SLC6A17: variants seen among roughly 807,000 people sequenced by gnomAD.
SLC6A17 encodes the protein sodium-dependent neutral amino acid transporter SLC6A17.
In SLC6A17, 21 loss-of-function variants were observed where a neutral mutation model predicts 64.5. The ratio of observed to expected loss-of-function variants is 0.33; its 90% CI spans 0.23 to 0.47. The LOEUF is 0.47. SLC6A17 is among the 20% of genes least tolerant of loss of function. The pLI, the probability that SLC6A17 is intolerant of heterozygous loss-of-function variation, is 1.00. For synonymous variants in SLC6A17, 372 were observed against 399.5 expected, an observed-to-expected ratio of 0.93 and a Z score of 0.82; for missense variants, 682 against 963.2, an observed-to-expected ratio of 0.71 and a Z score of 3.86.
At chr1:110,188,325 C>T (rs761612463) in intron 6 of SLC6A17, among the ~76,000 whole-genome samples, 11 of 152,208 alleles carry the variant, frequency 7.2e-5, no homozygotes, top group African/African-American at 2.2e-4. Flanking sequence ...ACCAGACATC[C>T]GCCTATGCAA....
chr1:110,156,718 G>C (rs534516090), intron 1 of SLC6A17, among the ~76,000 whole-genome samples: 2 of 152,260 alleles, frequency 1.3e-5, no homozygotes, highest in South Asian at 4.2e-4. Context: ...ATGCTTTTCT[G>C]CCCAGCCCTC....
At chr1:110,166,608 C>T (rs1656061883) in intron 1 of SLC6A17, among the ~76,000 whole-genome samples, 2 of 152,124 alleles carry the variant, frequency 1.3e-5, no homozygotes, top group African/African-American at 4.8e-5. Flanking sequence ...CTATTTTGCC[C>T]CTTTAGGTTT....
chr1:110,189,688 C>T (rs1216551237), intron 6 of SLC6A17, among the ~76,000 whole-genome samples: 1 of 152,188 alleles, frequency 6.6e-6, no homozygotes, highest in Non-Finnish European at 1.5e-5. Context: ...ACCCCCACCT[C>T]GTCCTCACTG....
intron 6 of SLC6A17, among the ~76,000 whole-genome samples, chr1:110,179,213 C>T (rs1265773817): frequency 6.6e-6 from 1 of 152,196 alleles, no homozygotes; most frequent in East Asian, 1.9e-4. Context: ...TTCCAGTTTT[C>T]ACCATTGCTA....
At chr1:110,194,219 C>T (rs75447889) in intron 8 of SLC6A17, among the ~76,000 whole-genome samples, 3,289 of 152,232 alleles carry the variant, frequency 0.022, 49 homozygotes, top group Middle Eastern at 0.037. Context: ...GAGCTGGGAG[C>T]GGCCACAGTG....
chr1:110,155,351 G>A (rs777687781), intron 1 of SLC6A17, among the ~76,000 whole-genome samples: 4 of 152,020 alleles, frequency 2.6e-5, no homozygotes, highest in Non-Finnish European at 5.9e-5. Flanking sequence ...ATAGTTAGAC[G>A]TTCAATATGT....
Position 110,198,537 on chromosome 1 carries a change from G to A in SLC6A17, c.*93G>A. The stretch of plus-strand genomic sequence containing the variant: ...TTTCTTGAGGTGGCCACCAGGCCCA[G>A]GCCAGGCCCTTTGCCCAAGAAGAGA... On this transcript the variant is annotated 3_prime_UTR_variant, in exon 12 of 12. Coordinates refer to ENST00000331565, the MANE Select transcript of SLC6A17 (RefSeq NM_001010898.4). 6.6e-7 allele frequency: 1 copy of A among 1,512,752 alleles called. No homozygotes were observed. The highest frequency in any genetic ancestry group is 8.8e-7 in the Non-Finnish European group (1 of 1,137,248). The allele number at this position is 1,512,752 out of a possible 1,614,324, so 93.7% of individuals were successfully genotyped here.
At chr1:110,169,847 T>TA (rs1656170255) in intron 2 of SLC6A17, among the ~76,000 whole-genome samples, 1 of 152,216 alleles carries the variant, frequency 6.6e-6, no homozygotes, top group East Asian at 1.9e-4. Flanking sequence ...CAAAGGTTGA[T>TA]ATGAAAAAAT....
chr1:110,165,919 A>G (rs963941454), intron 1 of SLC6A17, among the ~76,000 whole-genome samples: 1 of 152,246 alleles, frequency 6.6e-6, no homozygotes, highest in African/African-American at 2.4e-5. Context: ...GCCTTGAAAT[A>G]TAACGGAATG....
At position 110,198,386 on chromosome 1, in the gene SLC6A17, C is replaced by T; in HGVS notation, c.2126C>T (p.Pro709Leu). 1.2e-6 allele frequency: 2 copies of T among 1,614,030 alleles called. No homozygotes were observed. The highest frequency in any genetic ancestry group is 1.7e-6 in the Non-Finnish European group (2 of 1,180,014). ...STSPLETSGN[P>L]NGRYGSGYLL... Reference sequence around the variant, plus strand: ...TCACCCCTGGAGACCAGCGGTAACCCCAATGGACGCTATGGGAGCGGCTAC... The same window carrying T: ...TCACCCCTGGAGACCAGCGGTAACCTCAATGGACGCTATGGGAGCGGCTAC... The change falls in exon 12 of 12, where the codon CCC (proline) becomes CTC (leucine). Residue 709 changes from proline to leucine, a missense_variant. Transcript: ENST00000331565.
intron 6 of SLC6A17, among the ~76,000 whole-genome samples, chr1:110,187,130 A>AAAAACG (rs1384477876): frequency 6.6e-6 from 1 of 152,096 alleles, no homozygotes; most frequent in African/African-American, 2.4e-5. Flanking sequence ...AAAAAAAAAC[A>AAAAACG]AAAACAAAAA....
intron 6 of SLC6A17, among the ~76,000 whole-genome samples, chr1:110,184,214 G>A (rs1235314397): frequency 1.3e-4 from 20 of 152,032 alleles, no homozygotes; most frequent in African/African-American, 4.8e-4. Context: ...GGGTTCAAAC[G>A]ATTCTCCTGC....
chr1:110,175,651 C>T (rs1446125758), intron 5 of SLC6A17, among the ~76,000 whole-genome samples: 4 of 152,192 alleles, frequency 2.6e-5, no homozygotes, highest in Non-Finnish European at 5.9e-5. Context: ...GCTAACATCA[C>T]GCAGCCAGTC....
intron 2 of SLC6A17, among the ~76,000 whole-genome samples, chr1:110,170,831 G>C (rs1198070996): frequency 6.6e-6 from 1 of 151,812 alleles, no homozygotes; most frequent in African/African-American, 2.4e-5. Context: ...TGGTTGGCTT[G>C]TGTGACTAGT....
In SLC6A17 at chr1:110,198,071, C is replaced by G. The variant is rs747871375; in HGVS notation, c.1816-5C>G. On this transcript the variant is annotated splice_region_variant and splice_polypyrimidine_tract_variant and intron_variant, in intron 11 of 11. Transcript: ENST00000331565. ...GCAGCAGCCCTTAAGGCAGCCCACC[C>G]GCAGGCTGCCGAGCGCTACCTGTAT... 6.2e-7 allele frequency: 1 copy of G among 1,607,058 alleles called. No individual in the cohort carries two copies. The highest frequency in any genetic ancestry group is 8.5e-7 in the Non-Finnish European group (1 of 1,176,694).
intron 1 of SLC6A17, among the ~76,000 whole-genome samples, chr1:110,162,507 G>A (rs1655940301): frequency 6.6e-6 from 1 of 152,226 alleles, no homozygotes; most frequent in East Asian, 1.9e-4. Context: ...CCAGCACCTA[G>A]CTGGCCTGCT....
chr1:110,171,107 A>T (rs899617432), intron 2 of SLC6A17, among the ~76,000 whole-genome samples: 1 of 152,034 alleles, frequency 6.6e-6, no homozygotes, highest in Non-Finnish European at 1.5e-5. Context: ...AACATGTGGG[A>T]TGTTATGTTA....
chr1:110,153,389 G>T, intron 1 of SLC6A17, among the ~76,000 whole-genome samples: 1 of 152,202 alleles, frequency 6.6e-6, no homozygotes, highest in Middle Eastern at 3.4e-3. Flanking sequence ...AGTTTTCTCC[G>T]TCTATAAAAT....
rs1655572367 is a variant in SLC6A17, at chr1:110,150,693, G to A, written c.-278G>A. The A allele has an allele frequency of 6.6e-6, 1 of 152,216 alleles. No individual in the cohort carries two copies. The allele number at this position is 152,216 out of a possible 1,614,324, so 9.4% of individuals were successfully genotyped here. On this transcript the variant is annotated 5_prime_UTR_variant, in exon 1 of 12. Transcript: ENST00000331565. Reference sequence around the variant, plus strand: ...CGCGCGGCGGGCGGGAGCCAGGTTGGGACTGGTGGTGAGGCAGGGAGTGAG... The same window carrying A: ...CGCGCGGCGGGCGGGAGCCAGGTTGAGACTGGTGGTGAGGCAGGGAGTGAG...
Sources: gnomAD v4.1 joint callset for allele counts (sites outside exome capture counted in the v4.1 genomes callset) on GRCh38, gnomAD v4.1.1 for gene constraint, MANE v1.5 for transcripts, NCBI Gene and HGNC (gene_info 2026-07-23, HGNC 2026-07-21) for gene names.